Variants in CHL1 observed in about 807,000 individuals in gnomAD.
The protein encoded by CHL1 is neural cell adhesion molecule L1-like protein.
CHL1 carries 96 observed loss-of-function variants against 141.9 expected under a neutral mutation model. That is an observed-to-expected ratio of 0.68 (90% CI 0.57 to 0.80). The LOEUF is 0.80. CHL1 is among the 30% of genes least tolerant of loss of function. The pLI is 0.00. For missense variants in CHL1, 1,820 were observed against 1,457.2 expected (o/e 1.25, Z -4.05); for synonymous variants, 613 against 502.2 (o/e 1.22, Z -2.95).
chr3:295,783 C>G (rs911133787), intron 2 of CHL1, among the ~76,000 whole-genome samples: 1 of 152,150 alleles, frequency 6.6e-6, no homozygotes, highest in African/African-American at 2.4e-5. Context: ...TTTGTACTTC[C>G]GTTACTATTA....
intron 2 of CHL1, among the ~76,000 whole-genome samples, chr3:287,525 T>G (rs1232229879): frequency 1.3e-5 from 2 of 152,320 alleles, no homozygotes; most frequent in East Asian, 3.9e-4. Context: ...GATACCTCCT[T>G]ATAATCTTAG....
chr3:401,787 A>G, intron 27 of CHL1, 89 bp downstream of exon 27: 1 of 752,460 alleles, frequency 1.3e-6, no homozygotes, highest in Non-Finnish European at 2.1e-6. Flanking sequence ...CTTAATAAAA[A>G]GGTTACATAA....
chr3:378,808 A>G (rs1706672130), intron 16 of CHL1, among the ~76,000 whole-genome samples: 1 of 152,178 alleles, frequency 6.6e-6, no homozygotes, highest in South Asian at 2.1e-4. Flanking sequence ...TAGCAGCTGC[A>G]TCCCACCACC....
chr3:200,807 A>G (rs1698854474), intron 1 of CHL1, among the ~76,000 whole-genome samples: 2 of 152,196 alleles, frequency 1.3e-5, no homozygotes, highest in Non-Finnish European at 2.9e-5. Flanking sequence ...GACTGGAAAC[A>G]ATTCTCAATT....
chr3:267,399 G>A (rs1695251006), intron 2 of CHL1, among the ~76,000 whole-genome samples: 1 of 152,262 alleles, frequency 6.6e-6, no homozygotes, highest in South Asian at 2.1e-4. Flanking sequence ...TTGGGGTGGG[G>A]TGGAATTATT....
intron 1 of CHL1, among the ~76,000 whole-genome samples, chr3:223,262 A>T (rs1023324834): frequency 2.0e-5 from 3 of 152,200 alleles, no homozygotes; most frequent in Non-Finnish European, 2.9e-5. Context: ...TCCCTATCTG[A>T]TATAAAACAA....
chr3:403,272 T>A (rs1378923555), intron 27 of CHL1, among the ~76,000 whole-genome samples: 1 of 152,160 alleles, frequency 6.6e-6, no homozygotes, highest in Non-Finnish European at 1.5e-5. Flanking sequence ...GCACCCAAGT[T>A]GGAAGCCACA....
chr3:314,204 C>G (rs946176900), intron 2 of CHL1, among the ~76,000 whole-genome samples: 1 of 151,088 alleles, frequency 6.6e-6, no homozygotes, highest in African/African-American at 2.4e-5. Flanking sequence ...TTCTGATTTC[C>G]AAAGACTGAA....
chr3:382,733 C>T (rs1303134795), intron 18 of CHL1, 62 bp downstream of exon 18: 1 of 1,379,316 alleles, frequency 7.2e-7, no homozygotes, highest in South Asian at 1.2e-5. Flanking sequence ...CTTTGAACAT[C>T]TAAAAAAAAA....
intron 2 of CHL1, among the ~76,000 whole-genome samples, chr3:310,684 A>T (rs953686008): frequency 3.9e-5 from 6 of 152,152 alleles, no homozygotes; most frequent in Admixed American, 6.5e-5. Flanking sequence ...CTCCGTTATC[A>T]ACACCACCAG....
At chr3:365,878 TA>T in intron 14 of CHL1, 71 bp from the exon 15 acceptor site, 2 of 1,273,458 alleles carry the variant, frequency 1.6e-6, no homozygotes. Context: ...TTGGGTTACT[TA>T]ACTTGCAGGC....
chr3:206,293 C>T (rs531595218), intron 1 of CHL1, among the ~76,000 whole-genome samples: 1 of 151,960 alleles, frequency 6.6e-6, no homozygotes, highest in East Asian at 1.9e-4. Context: ...CATGGTGAAA[C>T]TTCGTCTCTA....
intron 1 of CHL1, among the ~76,000 whole-genome samples, chr3:208,534 T>A (rs933518606): frequency 1.4e-5 from 2 of 147,798 alleles, no homozygotes; most frequent in Non-Finnish European, 2.9e-5. Flanking sequence ...CTTTTGTTTC[T>A]GTGCCTTATG....
intron 27 of CHL1, among the ~76,000 whole-genome samples, chr3:402,265 G>A (rs1033369150): frequency 5.9e-5 from 9 of 152,222 alleles, no homozygotes; most frequent in Non-Finnish European, 1.2e-4. Context: ...AGGATAAAAA[G>A]TATTGTGTTA....
At chr3:331,588 C>A (rs1236419031) in intron 5 of CHL1, among the ~76,000 whole-genome samples, 1 of 151,844 alleles carries the variant, frequency 6.6e-6, no homozygotes, top group Non-Finnish European at 1.5e-5. Flanking sequence ...AGGAAATCAT[C>A]AAGAATACAT....
intron 1 of CHL1, among the ~76,000 whole-genome samples, chr3:231,096 G>T (rs1334199484): frequency 6.6e-6 from 1 of 152,098 alleles, no homozygotes; most frequent in African/African-American, 2.4e-5. Context: ...TACCAGAAGG[G>T]TGAATTTTAT....
chr3:203,705 G>A (rs931280228), intron 1 of CHL1, among the ~76,000 whole-genome samples: 5 of 152,242 alleles, frequency 3.3e-5, no homozygotes, highest in African/African-American at 1.2e-4. Context: ...GCTTTTGGTA[G>A]AGGAACATAA....
chr3:304,487 G>A (rs981514815), intron 2 of CHL1, among the ~76,000 whole-genome samples: 3 of 152,120 alleles, frequency 2.0e-5, no homozygotes, highest in African/African-American at 7.2e-5. Flanking sequence ...ATGTGTCCAG[G>A]AATTTATCCA....
rs868609652 is a variant in CHL1, at chr3:334,965, A to C, written c.386-5829A>C. 2.0e-5 allele frequency among the ~76,000 whole-genome samples: 3 copies of C among 152,256 alleles called. No individual in the cohort carries two copies. The South Asian group carries it at 6.2e-4, about 32-fold the overall frequency. On this transcript the variant is annotated intron_variant, in intron 5 of 27. Coordinates refer to ENST00000256509, the MANE Select transcript of CHL1 (RefSeq NM_006614.4). ...AAAGAATGAATAAAAGTAACACTGCAATTTGCACATGCTATTAAAATAGTC... is the reference window on the plus strand; with the variant it reads ...AAAGAATGAATAAAAGTAACACTGCCATTTGCACATGCTATTAAAATAGTC...
Sources: allele counts gnomAD v4.1 joint callset (sites outside exome capture counted in the v4.1 genomes callset), GRCh38; gene constraint gnomAD v4.1.1; transcripts MANE v1.5; gene names NCBI Gene and HGNC (gene_info 2026-07-23, HGNC 2026-07-21).